Variants in RGS6 observed in about 807,000 individuals in gnomAD.
RGS6 encodes regulator of G-protein signaling 6.
RGS6 carries 30 observed loss-of-function variants against 78.5 expected under a neutral mutation model. That is an observed-to-expected ratio of 0.38 (90% CI 0.29 to 0.52). The LOEUF is 0.52. Among genes scored for constraint, RGS6 ranks in the 20% least tolerant of loss-of-function variants. RGS6 has a pLI of 0.85. For missense variants in RGS6, 495 were observed against 609.7 expected (o/e 0.81, Z 1.98); for synonymous variants, 206 against 206.0 (o/e 1.00, Z 0.00).
At chr14:72,547,299 G>C in intron 17 of RGS6, 1 of 1,535,690 alleles carries the variant, frequency 6.5e-7, no homozygotes. Context: ...AACTCTGCCT[G>C]TGGTCCAGAC....
chr14:72,522,701 C>T (rs1206869099), intron 15 of RGS6, among the ~76,000 whole-genome samples: 6 of 152,110 alleles, frequency 3.9e-5, no homozygotes, highest in Non-Finnish European at 8.8e-5. Context: ...TTTTCAGCCA[C>T]TTAAAAACAT....
intron 2 of RGS6, among the ~76,000 whole-genome samples, chr14:72,166,122 AC>A (rs1300557764): frequency 9.9e-5 from 15 of 151,820 alleles, no homozygotes; most frequent in East Asian, 3.9e-4. Context: ...ACACACACAC[AC>A]ACACACACAC....
intron 3 of RGS6, among the ~76,000 whole-genome samples, chr14:72,443,517 A>C (rs1057001450): frequency 6.6e-6 from 1 of 152,210 alleles, no homozygotes; most frequent in Non-Finnish European, 1.5e-5. Flanking sequence ...GTGAGTAACT[A>C]TGGCCTGCAG....
chr14:72,259,751 CA>C (rs566208646), intron 2 of RGS6, among the ~76,000 whole-genome samples: 20 of 145,928 alleles, frequency 1.4e-4, no homozygotes, highest in South Asian at 6.5e-4. Flanking sequence ...ACTAAAAATA[CA>C]AAAAAAAAAT....
intron 2 of RGS6, among the ~76,000 whole-genome samples, chr14:72,093,668 G>A (rs4899426): frequency 0.42 from 64,302 of 152,074 alleles, 14,527 homozygotes; most frequent in Non-Finnish European, 0.51. Context: ...GTCAGACTCT[G>A]TTGTATGAAT....
At chr14:72,574,170 C>A in the RGS6 span, among the ~76,000 whole-genome samples, 1 of 152,164 alleles carries the variant, frequency 6.6e-6, no homozygotes, top group South Asian at 2.1e-4. Flanking sequence ...CACTCCTAAG[C>A]CTTTAGCACT....
intron 1 of RGS6, among the ~76,000 whole-genome samples, chr14:71,936,763 T>C (rs1372753641): frequency 6.6e-6 from 1 of 152,244 alleles, no homozygotes; most frequent in Non-Finnish European, 1.5e-5. Context: ...ATTTTCTTAG[T>C]ATGAGTGTAT....
intron 12 of RGS6, among the ~76,000 whole-genome samples, chr14:72,483,342 C>G (rs2096419781): frequency 6.6e-6 from 1 of 152,188 alleles, no homozygotes; most frequent in Non-Finnish European, 1.5e-5. Context: ...CTCATCCTCA[C>G]CCTATTACTG....
the RGS6 span, among the ~76,000 whole-genome samples, chr14:72,595,810 ACAC>A: frequency 4.6e-5 from 7 of 152,340 alleles, no homozygotes; most frequent in African/African-American, 1.4e-4. Context: ...ACCCTTTTCC[ACAC>A]CACCATCATA....
intron 3 of RGS6, among the ~76,000 whole-genome samples, chr14:72,381,315 A>G (rs1239468326): frequency 6.6e-6 from 1 of 152,128 alleles, no homozygotes; most frequent in African/African-American, 2.4e-5. Context: ...TTTCAACACA[A>G]AAAAAGATAA....
At chr14:72,479,608 GCT>G (rs765169167) in intron 12 of RGS6, among the ~76,000 whole-genome samples, 14 of 152,216 alleles carry the variant, frequency 9.2e-5, no homozygotes, top group Non-Finnish European at 1.9e-4. Flanking sequence ...CCTGGCTGGA[GCT>G]CAGCTTACAC....
rs56171281 is a variant in RGS6 at position 72,269,567 on chromosome 14, A to ATTTTTTTTTTTT, written c.85-82512_85-82501dup. Among the ~76,000 whole-genome samples the ATTTTTTTTTTTT allele has an allele frequency of 1.1e-4, 13 of 120,334 alleles. 6 individuals carry two copies. The highest frequency in any genetic ancestry group is 1.5e-4 in the Non-Finnish European group (9 of 59,348). The allele number at this position is 120,334 out of a possible 152,430, so 78.9% of individuals were successfully genotyped here. A position where few individuals can be genotyped will look rare whatever the true frequency, so the allele number is the denominator to read the frequency against. On this transcript the variant is annotated intron_variant, in intron 2 of 17. Coordinates refer to ENST00000553525, the MANE Select transcript of RGS6 (RefSeq NM_001204424.2). Reference sequence around the variant, plus strand: ...GTTTTTACAGTGAAACCTATCTTAAATTTTTTTTTTTTTTTTTTTTTTTTT... The same window carrying ATTTTTTTTTTTT: ...GTTTTTACAGTGAAACCTATCTTAAATTTTTTTTTTTTTTTTTTTTTTTTTTTTTTTTTTTTT...
At chr14:72,200,454 T>A (rs1772876011) in intron 2 of RGS6, among the ~76,000 whole-genome samples, 1 of 152,248 alleles carries the variant, frequency 6.6e-6, no homozygotes, top group Admixed American at 6.5e-5. Context: ...TTTGTCCACT[T>A]CTTGCTTCTT....
intron 1 of RGS6, among the ~76,000 whole-genome samples, chr14:71,941,413 G>A (rs1415382768): frequency 6.6e-6 from 1 of 152,144 alleles, no homozygotes; most frequent in African/African-American, 2.4e-5. Flanking sequence ...TTAATATTCT[G>A]TTCATCTAGA....
At chr14:72,166,118 AC>A (rs1297731978) in intron 2 of RGS6, among the ~76,000 whole-genome samples, 4 of 151,802 alleles carry the variant, frequency 2.6e-5, no homozygotes, top group Middle Eastern at 3.4e-3. Flanking sequence ...ACACACACAC[AC>A]ACACACACAC....
At chr14:72,288,141 A>G (rs563524402) in intron 2 of RGS6, among the ~76,000 whole-genome samples, 3 of 152,098 alleles carry the variant, frequency 2.0e-5, no homozygotes, top group Non-Finnish European at 4.4e-5. Flanking sequence ...TCCTTCAGTT[A>G]TTTTTTTAAG....
chr14:71,877,148 G>C, the RGS6 span, among the ~76,000 whole-genome samples: 1 of 152,222 alleles, frequency 6.6e-6, no homozygotes, highest in East Asian at 1.9e-4. Flanking sequence ...TGACAATTAT[G>C]TGTCTTGGAG....
intron 2 of RGS6, among the ~76,000 whole-genome samples, chr14:72,141,112 A>C (rs1598287050): frequency 6.6e-6 from 1 of 152,226 alleles, no homozygotes; most frequent in East Asian, 1.9e-4. Context: ...TTAAGTAGGC[A>C]TCCAGAGACT....
intron 17 of RGS6, chr14:72,547,461 T>G: frequency 1.1e-5 from 8 of 728,114 alleles, no homozygotes; most frequent in Non-Finnish European, 1.8e-5. Flanking sequence ...TAGTGATGAG[T>G]GTCCCTGGTT....
Sources: gnomAD v4.1 joint callset for allele counts (sites outside exome capture counted in the v4.1 genomes callset) on GRCh38, gnomAD v4.1.1 for gene constraint, MANE v1.5 for transcripts, NCBI Gene and HGNC (gene_info 2026-07-23, HGNC 2026-07-21) for gene names.